Variants in COL20A1 observed in about 807,000 individuals in gnomAD.
COL20A1 encodes the protein collagen type XX alpha 1 chain, also known as collagen alpha-1(XX) chain.
Under a neutral mutation model 152.9 loss-of-function variants are expected in COL20A1, and 164 were observed. That is an observed-to-expected ratio of 1.07 (90% CI 0.94 to 1.22). The LOEUF is 1.22. COL20A1 is among the 50% of genes most tolerant of loss of function. The pLI is 0.00. For synonymous variants in COL20A1, 864 were observed against 756.0 expected, an observed-to-expected ratio of 1.14 and a Z score of -2.34; for missense variants, 1,873 against 1,744.8, an observed-to-expected ratio of 1.07 and a Z score of -1.31.
At chr20:63,296,724 T>C (rs908407801) in intron 2 of COL20A1, among the ~76,000 whole-genome samples, 1 of 152,170 alleles carries the variant, frequency 6.6e-6, no homozygotes, top group African/African-American at 2.4e-5. Context: ...TGCTCACAGC[T>C]GGCCTTCAGA....
At chr20:63,295,251 A>ACGCGGGACGAGCCCT (rs1455713617) in intron 2 of COL20A1, 62 bp downstream of exon 2, 1 of 1,138,420 alleles carries the variant, frequency 8.8e-7, no homozygotes, top group East Asian at 2.6e-5. Flanking sequence ...ACCAGTGCCC[A>ACGCGGGACGAGCCCT]CGCGGGACGA....
Position 63,319,675 on chromosome 20 carries a change from C to T in COL20A1, c.2916+79C>T. The stretch of plus-strand genomic sequence containing the variant: ...CAGCCCCACAGGGACCTGCCGGATG[C>T]CAACTCCTCTCCCTAGGAGAGCAGG... On this transcript the variant is annotated intron_variant, in intron 23 of 35. Transcript: ENST00000358894. This position sits in a 1 kb window ranked among gnomAD's most constrained non-coding sequence, Gnocchi z 4.4. 1 of 943,472 alleles carries T rather than the reference C, an allele frequency of 1.1e-6. No individual in the cohort carries two copies. Among genetic ancestry groups the T allele is most frequent in the Non-Finnish European group, 1.6e-6 (1 of 608,826 alleles). The allele number at this position is 943,472 out of a possible 1,614,324, so 58.4% of individuals were successfully genotyped here.
At position 63,313,675 on chromosome 20, in the gene COL20A1, T is replaced by A; in HGVS notation, c.2210-68T>A. ...AGCAGGGTAGGGGCTGGGCAGCTGG[T>A]CCTCTGGCCACCGGGTGCCTCCTTT... On this transcript the variant is annotated intron_variant, in intron 17 of 35. Coordinates refer to ENST00000358894, the MANE Select transcript of COL20A1 (RefSeq NM_020882.4). The surrounding 1 kb of genome is among the most constrained non-coding windows in gnomAD (Gnocchi z 5.9). 3 of 1,441,622 alleles carry A rather than the reference T, an allele frequency of 2.1e-6. No homozygotes were observed. Among genetic ancestry groups the A allele is most frequent in the Non-Finnish European group, 2.8e-6 (3 of 1,085,812 alleles). 89.3% of individuals were successfully genotyped at this position (1,441,622 alleles called of 1,614,324 possible). A position where few individuals can be genotyped will look rare whatever the true frequency, so the allele number is the denominator to read the frequency against.
chr20:63,298,438 G>A (rs758035589), intron 3 of COL20A1, among the ~76,000 whole-genome samples: 2 of 151,996 alleles, frequency 1.3e-5, no homozygotes, highest in African/African-American at 2.4e-5. Flanking sequence ...GTACAGGTGC[G>A]TGCCACCACT....
In COL20A1 at chr20:63,311,690, G is replaced by C. The variant is rs150167513; in HGVS notation, c.1605G>C (p.Ser535=). ...AACCTGGCAGGGACTATGAGGTCTC[G>C]GTGCAGAGCCTGCGAGGCCCTGAGG... The part of the protein sequence containing the change: ...GLEPGRDYEV[S]VQSLRGPEGS... Residue 535 remains serine (S), a synonymous_variant, in exon 13 of 36, where the codon TCG becomes TCC. Transcript: ENST00000358894. The surrounding 1 kb of genome is among the most constrained non-coding windows in gnomAD (Gnocchi z 4.4). 1.9e-6 allele frequency: 3 copies of C among 1,607,016 alleles called. No homozygotes were observed. Among genetic ancestry groups the C allele is most frequent in the Non-Finnish European group, 2.5e-6 (3 of 1,179,084 alleles).
At chr20:63,307,192 G>T (rs1366464392) in intron 5 of COL20A1, among the ~76,000 whole-genome samples, 3 of 152,236 alleles carry the variant, frequency 2.0e-5, no homozygotes, top group Non-Finnish European at 4.4e-5. Context: ...TCCCCTCCTT[G>T]CCTGGTTTGC....
chr20:63,326,257 G>A (rs2068246780), intron 30 of COL20A1, 108 bp downstream of exon 30: 1 of 886,290 alleles, frequency 1.1e-6, no homozygotes. Flanking sequence ...GTTACCCCAG[G>A]AAGTGCCTGG....
At position 63,319,769 on chromosome 20, in the gene COL20A1, A is replaced by G. The variant is rs960880085; in HGVS notation, c.2916+173A>G. Among the ~76,000 whole-genome samples, 2 of 151,874 alleles carry G rather than the reference A, an allele frequency of 1.3e-5. No individual in the cohort carries two copies. Among genetic ancestry groups the G allele is most frequent in the African/African-American group, 4.8e-5 (2 of 41,330 alleles). ...ACCCCAGCTCTTCCATCTTAATTGGAGTTGAAGAGCCTCCCAGCCCATCTC... is the reference window on the plus strand; with the variant it reads ...ACCCCAGCTCTTCCATCTTAATTGGGGTTGAAGAGCCTCCCAGCCCATCTC... On this transcript the variant is annotated intron_variant, in intron 23 of 35. Coordinates refer to ENST00000358894, the MANE Select transcript of COL20A1 (RefSeq NM_020882.4). This position sits in a 1 kb window ranked among gnomAD's most constrained non-coding sequence, Gnocchi z 4.4.
rs1240417767 is a variant in COL20A1, at chr20:63,306,194, G to C, written c.496+155G>C. On this transcript the variant is annotated intron_variant, in intron 5 of 35. Coordinates refer to ENST00000358894, the MANE Select transcript of COL20A1 (RefSeq NM_020882.4). This position sits in a 1 kb window ranked among gnomAD's most constrained non-coding sequence, Gnocchi z 6.9. ...AGTTCTTCCTCGTGTCTGACCACAC[G>C]GTCTCTGACCACGAGGCCGGGAAGT... The C allele has an allele frequency of 1.7e-6, 1 of 588,728 alleles. No homozygotes were observed. Among genetic ancestry groups the C allele is most frequent in the East Asian group, 3.0e-5 (1 of 33,104 alleles). The allele number at this position is 588,728 out of a possible 1,614,324, so 36.5% of individuals were successfully genotyped here.
Position 63,315,396 on chromosome 20 carries a change from C to G in COL20A1, c.2489-8C>G. 3 of 1,573,798 alleles carry G rather than the reference C, an allele frequency of 1.9e-6. No individual in the cohort carries two copies. Among genetic ancestry groups the G allele is most frequent in the Non-Finnish European group, 2.6e-6 (3 of 1,164,128 alleles). The stretch of plus-strand genomic sequence containing the variant: ...CCCACTCACACTGACCCTGTCTCCT[C>G]TCAGCAGCCTGCCCAGCCCTCCGCC... On this transcript the variant is annotated splice_region_variant and splice_polypyrimidine_tract_variant and intron_variant, in intron 19 of 35. Transcript: ENST00000358894.
At chr20:63,307,763 G>T in intron 6 of COL20A1, 115 bp downstream of exon 6, 1 of 1,291,312 alleles carries the variant, frequency 7.7e-7, no homozygotes. Flanking sequence ...TCACCTTGTG[G>T]GGTGGGACGC....
At chr20:63,298,054 A>C (rs2067821585) in intron 3 of COL20A1, 34 bp downstream of exon 3, 1 of 1,469,702 alleles carries the variant, frequency 6.8e-7, no homozygotes, top group African/African-American at 1.4e-5. Flanking sequence ...CCCCTTCCCC[A>C]TTAGCACGTG....
Position 63,311,290 on chromosome 20 carries a change from C to A in COL20A1, c.1394-104C>A. The stretch of plus-strand genomic sequence containing the variant: ...TGCCACTTTGAATCCTGTGCACCTG[C>A]CAGGCGGTGGCCGTGCCCACCCACT... On this transcript the variant is annotated intron_variant, in intron 11 of 35. Coordinates refer to ENST00000358894, the MANE Select transcript of COL20A1 (RefSeq NM_020882.4). The surrounding 1 kb of genome is among the most constrained non-coding windows in gnomAD (Gnocchi z 4.4). 8.0e-7 allele frequency: 1 copy of A among 1,255,744 alleles called. No individual in the cohort carries two copies. Among genetic ancestry groups the A allele is most frequent in the Non-Finnish European group, 1.1e-6 (1 of 928,868 alleles). 77.8% of individuals were successfully genotyped at this position (1,255,744 alleles called of 1,614,324 possible).
At position 63,313,098 on chromosome 20, in the gene COL20A1, G is replaced by C; in HGVS notation, c.2077-19G>C. 1.3e-6 allele frequency: 2 copies of C among 1,599,272 alleles called. No individual in the cohort carries two copies. The highest frequency in any genetic ancestry group is 1.7e-6 in the Non-Finnish European group (2 of 1,173,714). ...GACCCCACTGCACCCGGTGACCCCTGGGGCTCTCCTCTCCCTAGATCTCTG... is the reference window on the plus strand; with the variant it reads ...GACCCCACTGCACCCGGTGACCCCTCGGGCTCTCCTCTCCCTAGATCTCTG... On this transcript the variant is annotated intron_variant, in intron 16 of 35. Coordinates refer to ENST00000358894, the MANE Select transcript of COL20A1 (RefSeq NM_020882.4). This position sits in a 1 kb window ranked among gnomAD's most constrained non-coding sequence, Gnocchi z 5.9.
chr20:63,314,030 G>A, intron 18 of COL20A1, 42 bp from the exon 19 acceptor site: 1 of 1,611,946 alleles, frequency 6.2e-7, no homozygotes, highest in Non-Finnish European at 8.5e-7. Flanking sequence ...GACGAGCAAA[G>A]TTGCCCAGGA....
intron 1 of COL20A1, among the ~76,000 whole-genome samples, chr20:63,294,325 C>T (rs941175203): frequency 9.2e-5 from 14 of 151,550 alleles, no homozygotes; most frequent in Admixed American, 5.2e-4. Flanking sequence ...CCCACCTCTC[C>T]GAGTGGCACC....
chr20:63,313,898 C>A lies in COL20A1; in HGVS notation c.2358+7C>A. 1 of 1,596,492 alleles carries A rather than the reference C, an allele frequency of 6.3e-7. No homozygotes were observed. On this transcript the variant is annotated splice_region_variant and intron_variant, in intron 18 of 35. Transcript: ENST00000358894. This position sits in a 1 kb window ranked among gnomAD's most constrained non-coding sequence, Gnocchi z 5.9. ...CTTGGGACCCGAGAAATCCGTGAGT[C>A]TTGGTAGAGCCTGAGGCTGCCCCAC... is the stretch of plus-strand genomic sequence containing the variant.
chr20:63,299,275 G>A (rs1568763451), intron 3 of COL20A1, among the ~76,000 whole-genome samples: 1 of 152,206 alleles, frequency 6.6e-6, no homozygotes, highest in Non-Finnish European at 1.5e-5. Flanking sequence ...CACAGTGTGT[G>A]CATAGTTTCA....
At chr20:63,294,534 C>G (rs1262407414) in intron 1 of COL20A1, among the ~76,000 whole-genome samples, 1 of 151,980 alleles carries the variant, frequency 6.6e-6, no homozygotes, top group Non-Finnish European at 1.5e-5. Context: ...GTGCCCGTGG[C>G]ACACACACCC....
Sources: allele counts gnomAD v4.1 joint callset (sites outside exome capture counted in the v4.1 genomes callset), GRCh38; gene constraint gnomAD v4.1.1; non-coding constraint Gnocchi (gnomAD v3.1); transcripts MANE v1.5; gene names NCBI Gene and HGNC (gene_info 2026-07-23, HGNC 2026-07-21).